Variants in RHPN2 observed in about 807,000 individuals in gnomAD.
RHPN2 encodes the protein rhophilin-2.
RHPN2 carries 40 observed loss-of-function variants against 79.0 expected under a neutral mutation model. That is an observed-to-expected ratio of 0.51 (90% CI 0.39 to 0.66). RHPN2 has a LOEUF of 0.66. RHPN2 is among the 30% of genes least tolerant of loss of function. RHPN2 has a pLI of 0.00. For missense variants in RHPN2, 686 were observed against 883.5 expected, an observed-to-expected ratio of 0.78 and a Z score of 2.83; for synonymous variants, 285 against 363.5, an observed-to-expected ratio of 0.78 and a Z score of 2.46.
intron 1 of RHPN2, among the ~76,000 whole-genome samples, chr19:33,053,425 CTTTT>C (rs11297306): frequency 1.5e-5 from 2 of 132,026 alleles, no homozygotes; most frequent in Non-Finnish European, 3.2e-5. Flanking sequence ...AACAGTTTTG[CTTTT>C]TTTTTTTTTT....
At chr19:33,043,735 G>A (rs7259371) in intron 2 of RHPN2, among the ~76,000 whole-genome samples, 59,225 of 152,034 alleles carry the variant, frequency 0.39, 15,366 homozygotes, top group African/African-American at 0.71. Flanking sequence ...TCTATGCTGG[G>A]TAAGTAACTG....
rs557268230 is a variant in RHPN2, at chr19:33,021,702, C to A, written c.315-56G>T. ...CACCCCCAACCGGACCCCTGTGCAC[C>A]CCACGGCCTTGCCCTCAGCAGCCCA... On this transcript the variant is annotated intron_variant, in intron 3 of 14. Coordinates refer to ENST00000254260, the MANE Select transcript of RHPN2 (RefSeq NM_033103.5). 2.1e-4 allele frequency: 300 copies of A among 1,397,838 alleles called. 4 individuals are homozygous for A. In the South Asian group the frequency reaches 3.4e-3, roughly 16 times the overall value. 86.6% of individuals were successfully genotyped at this position (1,397,838 alleles called of 1,614,324 possible).
chr19:33,025,325 A>AC (rs1281864915), intron 3 of RHPN2, among the ~76,000 whole-genome samples: 197 of 151,280 alleles, frequency 1.3e-3, no homozygotes, highest in Non-Finnish European at 2.2e-3. Context: ...AAAAAAAAAA[A>AC]AAAACAATTA....
At chr19:33,032,744 G>A (rs906499237) in intron 2 of RHPN2, among the ~76,000 whole-genome samples, 9 of 152,010 alleles carry the variant, frequency 5.9e-5, no homozygotes, top group South Asian at 4.2e-4. Flanking sequence ...GGGTGGGGGC[G>A]GAATCCTCCC....
intron 1 of RHPN2, among the ~76,000 whole-genome samples, chr19:33,045,658 G>C (rs1459785094): frequency 2.6e-5 from 4 of 152,042 alleles, no homozygotes; most frequent in Admixed American, 6.6e-5. Context: ...ATTTTTAGTA[G>C]AGACAGGGTT....
intron 2 of RHPN2, among the ~76,000 whole-genome samples, chr19:33,033,793 G>A (rs1465180681): frequency 6.6e-6 from 1 of 151,694 alleles, no homozygotes; most frequent in Non-Finnish European, 1.5e-5. Context: ...CTTGAACCCG[G>A]GAGGCACAGG....
In RHPN2 at chr19:33,002,357, G is replaced by A. The variant is rs763112876; in HGVS notation, c.995C>T (p.Pro332Leu). The change falls in exon 9 of 15, where the codon CCG becomes CTG. Residue 332 changes from proline (P) to leucine (L), a missense_variant. Coordinates refer to ENST00000254260, the MANE Select transcript of RHPN2 (RefSeq NM_033103.5). Reference sequence around the variant, plus strand: ...GGAGTAGGGGATGTTCTCTTTCACCGGCGCCTGGCTCATGGCTGCGTGTAG... The same window carrying A: ...GGAGTAGGGGATGTTCTCTTTCACCAGCGCCTGGCTCATGGCTGCGTGTAG... ...QQLHAAMSQA[P>L]VKENIPYSWA... 1.5e-5 allele frequency: 25 copies of A among 1,613,774 alleles called. No individual in the cohort carries two copies. The highest frequency in any genetic ancestry group is 9.9e-5 in the South Asian group (9 of 91,082).
intron 1 of RHPN2, among the ~76,000 whole-genome samples, chr19:33,057,025 TAGG>T (rs1171759573): frequency 1.5e-5 from 2 of 137,238 alleles, no homozygotes; most frequent in Non-Finnish European, 3.1e-5. Flanking sequence ...GAGGCTGAGG[TAGG>T]AGAATGGCGT....
At chr19:33,033,810 T>C (rs1371103945) in intron 2 of RHPN2, among the ~76,000 whole-genome samples, 3 of 151,860 alleles carry the variant, frequency 2.0e-5, no homozygotes, top group African/African-American at 7.2e-5. Context: ...CAGGTTGCGG[T>C]GAGCCGAGAT....
chr19:33,016,867 C>T (rs964893885), intron 4 of RHPN2, among the ~76,000 whole-genome samples: 4 of 152,158 alleles, frequency 2.6e-5, no homozygotes, highest in African/African-American at 4.8e-5. Flanking sequence ...ACAGAAAGTC[C>T]GTCAAACGTT....
intron 2 of RHPN2, among the ~76,000 whole-genome samples, chr19:33,038,125 G>A (rs1264024608): frequency 2.6e-5 from 4 of 151,872 alleles, no homozygotes; most frequent in East Asian, 3.9e-4. Context: ...CCGAGTGGGC[G>A]GATCACTTGA....
chr19:33,023,127 G>A (rs1354875780), intron 3 of RHPN2, among the ~76,000 whole-genome samples: 1 of 151,926 alleles, frequency 6.6e-6, no homozygotes, highest in Non-Finnish European at 1.5e-5. Flanking sequence ...GAAAGAAACA[G>A]TCTACTTTGA....
intron 3 of RHPN2, among the ~76,000 whole-genome samples, chr19:33,025,311 TA>T (rs201499801): frequency 0.31 from 40,518 of 130,632 alleles, 6,406 homozygotes; most frequent in East Asian, 0.51. Flanking sequence ...TGTCTCTACT[TA>T]AAAAAAAAAA....
At chr19:33,052,122 A>AT (rs1972193880) in intron 1 of RHPN2, among the ~76,000 whole-genome samples, 1 of 152,120 alleles carries the variant, frequency 6.6e-6, no homozygotes, top group East Asian at 1.9e-4. Flanking sequence ...GTTAAAAAAA[A>AT]AATATAAAAC....
At chr19:33,018,337 AAGAG>A (rs1163984674) in intron 4 of RHPN2, among the ~76,000 whole-genome samples, 6 of 150,636 alleles carry the variant, frequency 4.0e-5, no homozygotes, top group East Asian at 3.9e-4. Context: ...TCAAAAAAAA[AAGAG>A]AGAGAGAGAG....
chr19:33,007,773 C>T (rs1971803673), intron 7 of RHPN2, among the ~76,000 whole-genome samples: 1 of 146,864 alleles, frequency 6.8e-6, no homozygotes, highest in Non-Finnish European at 1.5e-5. Flanking sequence ...TTTTGAGATG[C>T]AGTCTGGCCT....
chr19:33,064,665 C>T (rs1009958615), intron 1 of RHPN2, 119 bp downstream of exon 1: 1 of 1,070,328 alleles, frequency 9.3e-7, no homozygotes, highest in Non-Finnish European at 1.3e-6. Context: ...GCCCAGTGCG[C>T]CCCCTCCCCC....
chr19:32,988,182 A>G (rs1300503259), intron 14 of RHPN2, among the ~76,000 whole-genome samples: 1 of 151,756 alleles, frequency 6.6e-6, no homozygotes, highest in Non-Finnish European at 1.5e-5. Flanking sequence ...CAAGCAACAG[A>G]GTGAGACCCT....
At chr19:33,047,900 A>C (rs1370321857) in intron 1 of RHPN2, among the ~76,000 whole-genome samples, 2 of 152,098 alleles carry the variant, frequency 1.3e-5, no homozygotes, top group African/African-American at 4.8e-5. Context: ...TAACAGAGTG[A>C]GACTCTGTCT....
Sources: gnomAD v4.1 joint callset for allele counts (sites outside exome capture counted in the v4.1 genomes callset) on GRCh38, gnomAD v4.1.1 for gene constraint, MANE v1.5 for transcripts, NCBI Gene and HGNC (gene_info 2026-07-23, HGNC 2026-07-21) for gene names.